The following SVOPL variants were observed in gnomAD, a reference collection of about 807,000 sequenced individuals.
SVOPL encodes SVOP like.
Under a neutral mutation model 61.0 loss-of-function variants are expected in SVOPL, and 60 were observed. That is an observed-to-expected ratio of 0.98 (90% CI 0.80 to 1.22). SVOPL has a LOEUF of 1.22. SVOPL is among the 50% of genes most tolerant of loss of function. The pLI is 0.00. For missense variants in SVOPL, 662 were observed against 643.9 expected (o/e 1.03, Z -0.30); for synonymous variants, 279 against 250.0 (o/e 1.12, Z -1.09).
At chr7:138,690,632 G>A (rs1217502241) in intron 1 of SVOPL, among the ~76,000 whole-genome samples, 2 of 152,140 alleles carry the variant, frequency 1.3e-5, no homozygotes, top group Non-Finnish European at 2.9e-5. Context: ...GCGGGGGGAG[G>A]AGGAGAGTAG....
At chr7:138,648,947 G>A in intron 8 of SVOPL, 65 bp downstream of exon 8, 2 of 1,601,582 alleles carry the variant, frequency 1.2e-6, no homozygotes, top group Non-Finnish European at 8.5e-7. Context: ...AGATATTTGT[G>A]GGGCATGAAG....
intron 8 of SVOPL, among the ~76,000 whole-genome samples, chr7:138,647,809 T>C (rs192971123): frequency 2.0e-3 from 292 of 145,128 alleles, no homozygotes; most frequent in African/African-American, 7.2e-3. Context: ...GATTGTGCCA[T>C]TGCACTCCAG....
At chr7:138,688,306 G>A (rs1802866434) in intron 1 of SVOPL, among the ~76,000 whole-genome samples, 1 of 149,542 alleles carries the variant, frequency 6.7e-6, no homozygotes, top group Non-Finnish European at 1.5e-5. Context: ...TTTCACTCTT[G>A]TTGCCCAAGC....
chr7:138,653,229 G>A (rs1801525444), intron 7 of SVOPL, among the ~76,000 whole-genome samples: 1 of 152,240 alleles, frequency 6.6e-6, no homozygotes. Flanking sequence ...AGCAAGTGCT[G>A]CTGGAGAAGC....
intron 7 of SVOPL, among the ~76,000 whole-genome samples, chr7:138,650,961 G>A (rs534619494): frequency 6.6e-6 from 1 of 151,240 alleles, no homozygotes; most frequent in South Asian, 2.1e-4. Context: ...CAGGGCTTTT[G>A]GTTAAGTGTA....
At chr7:138,700,172 T>G (rs571190191) in intron 1 of SVOPL, among the ~76,000 whole-genome samples, 1 of 152,104 alleles carries the variant, frequency 6.6e-6, no homozygotes, top group Admixed American at 6.6e-5. Flanking sequence ...TTCTTGGTAG[T>G]CTCTAGAGTT....
At chr7:138,645,400 C>G (rs937817305) in intron 8 of SVOPL, among the ~76,000 whole-genome samples, 1 of 152,190 alleles carries the variant, frequency 6.6e-6, no homozygotes, top group East Asian at 1.9e-4. Flanking sequence ...TCACGCCTCA[C>G]GCAATCAAGG....
intron 6 of SVOPL, 39 bp downstream of exon 6, chr7:138,659,825 C>T: frequency 6.5e-7 from 1 of 1,544,236 alleles, no homozygotes; most frequent in Non-Finnish European, 8.8e-7. Flanking sequence ...TGCAGGGGTA[C>T]ACGTTTCTGT....
intron 14 of SVOPL, among the ~76,000 whole-genome samples, chr7:138,620,606 G>T (rs889079485): frequency 1.3e-5 from 2 of 151,954 alleles, no homozygotes; most frequent in Non-Finnish European, 2.9e-5. Flanking sequence ...CCCAGCCTAA[G>T]CCTGGCTCAC....
chr7:138,673,277 C>T (rs1802476319), intron 3 of SVOPL, among the ~76,000 whole-genome samples: 1 of 152,140 alleles, frequency 6.6e-6, no homozygotes, highest in African/African-American at 2.4e-5. Flanking sequence ...TGTCTCTCCA[C>T]AAGAGAGCAT....
Position 138,666,559 on chromosome 7 carries a change from T to C in SVOPL, c.274-3414A>G, listed in dbSNP as rs148940772. Reference sequence around the variant, plus strand: ...GATTTCTGAATTCCTGTCTGAGATATCAAGCTGATTTACAACCCAGACCAC... The same window carrying C: ...GATTTCTGAATTCCTGTCTGAGATACCAAGCTGATTTACAACCCAGACCAC... On this transcript the variant is annotated intron_variant, in intron 4 of 15. Coordinates refer to ENST00000674285, the MANE Select transcript of SVOPL (RefSeq NM_001139456.2). Among the ~76,000 whole-genome samples, 571 of 152,306 alleles carry C rather than the reference T, an allele frequency of 3.7e-3. 2 individuals are homozygous for C. The highest frequency in any genetic ancestry group is 4.9e-3 in the Non-Finnish European group (330 of 68,034).
At chr7:138,614,732 G>T (rs1799211983) in intron 14 of SVOPL, among the ~76,000 whole-genome samples, 1 of 152,142 alleles carries the variant, frequency 6.6e-6, no homozygotes, top group Non-Finnish European at 1.5e-5. Context: ...AGGTTGAAGG[G>T]ACGAGGCTGG....
intron 4 of SVOPL, among the ~76,000 whole-genome samples, chr7:138,669,767 T>C (rs1802370376): frequency 6.6e-6 from 1 of 152,266 alleles, no homozygotes; most frequent in Admixed American, 6.5e-5. Flanking sequence ...GCTGGGTTAT[T>C]GGTAATCACT....
intron 8 of SVOPL, 32 bp downstream of exon 8, chr7:138,648,980 G>A (rs373208434): frequency 1.2e-6 from 2 of 1,612,756 alleles, no homozygotes; most frequent in Middle Eastern, 1.7e-4. Flanking sequence ...GCAGGAGGAG[G>A]GGACAGGAAG....
Position 138,663,059 on chromosome 7 carries a change from T to A in SVOPL, c.345+15A>T, listed in dbSNP as rs201635225. 82 of 1,614,114 alleles carry A rather than the reference T, an allele frequency of 5.1e-5. No homozygotes were observed. The highest frequency in any genetic ancestry group is 1.3e-4 in the East Asian group (6 of 44,886). On this transcript the variant is annotated intron_variant, in intron 5 of 15. Coordinates refer to ENST00000674285, the MANE Select transcript of SVOPL (RefSeq NM_001139456.2). ...CAAAAGACAATTCCAAATGCTACTG[T>A]GAGGCCCCACCTACCTTCCAGCGGC...
At chr7:138,607,929 T>A (rs1798827003) in intron 14 of SVOPL, among the ~76,000 whole-genome samples, 1 of 152,044 alleles carries the variant, frequency 6.6e-6, no homozygotes, top group Non-Finnish European at 1.5e-5. Context: ...AAATCAATAT[T>A]AAAAAAATCA....
chr7:138,683,650 T>C (rs1802745943), intron 1 of SVOPL, among the ~76,000 whole-genome samples: 1 of 152,148 alleles, frequency 6.6e-6, no homozygotes, highest in Non-Finnish European at 1.5e-5. Context: ...ATTACAGGCA[T>C]GAGCCACTGT....
chr7:138,655,760 T>C (rs1303817769), intron 7 of SVOPL, among the ~76,000 whole-genome samples: 1 of 151,318 alleles, frequency 6.6e-6, no homozygotes, highest in Non-Finnish European at 1.5e-5. Context: ...CTGTAATATA[T>C]ATTACAGGAT....
At chr7:138,606,536 G>A (rs372847788) in intron 14 of SVOPL, among the ~76,000 whole-genome samples, 1 of 152,142 alleles carries the variant, frequency 6.6e-6, no homozygotes, top group South Asian at 2.1e-4. Flanking sequence ...ATGTCTGAAA[G>A]GGGAGGAAAT....
Sources: gnomAD v4.1 joint callset for allele counts (sites outside exome capture counted in the v4.1 genomes callset) on GRCh38, gnomAD v4.1.1 for gene constraint, MANE v1.5 for transcripts, NCBI Gene and HGNC (gene_info 2026-07-23, HGNC 2026-07-21) for gene names.